Variants in GTF3C1 observed in about 807,000 individuals in gnomAD.
The protein encoded by GTF3C1 is general transcription factor 3C polypeptide 1.
A neutral mutation model predicts 226.7 loss-of-function variants in GTF3C1; 57 were observed. The observed-to-expected ratio is 0.25, with a 90% CI of 0.20 to 0.31. The LOEUF (loss-of-function observed/expected upper bound fraction) is 0.31. GTF3C1 is among the 10% of genes least tolerant of loss of function. The pLI is 1.00. For missense variants in GTF3C1, 2,217 were observed against 2,776.1 expected, an observed-to-expected ratio of 0.80 and a Z score of 4.53; for synonymous variants, 1,090 against 1,084.8, an observed-to-expected ratio of 1.00 and a Z score of -0.09.
chr16:27,473,888 A>T (rs1387018485), intron 29 of GTF3C1, among the ~76,000 whole-genome samples: 1 of 152,220 alleles, frequency 6.6e-6, no homozygotes, highest in Non-Finnish European at 1.5e-5. Context: ...ACTGGAGGGA[A>T]GCTGCATCTC....
rs1352265020 is a variant in GTF3C1 at position 27,545,296 on chromosome 16, A to G, written c.431+18T>C. ...CCGGCCAGATTCCCAGGAATTTCTG[A>G]TGGTGCAAAATAGTTACCTGTCAAA... On this transcript the variant is annotated intron_variant, in intron 2 of 36. Coordinates refer to ENST00000356183, the MANE Select transcript of GTF3C1 (RefSeq NM_001520.4). The G allele has an allele frequency of 6.3e-7, 1 of 1,580,300 alleles. No homozygotes were observed. Among genetic ancestry groups the G allele is most frequent in the Admixed American group, 1.7e-5 (1 of 59,982 alleles).
At chr16:27,485,143 G>A (rs530509982) in intron 24 of GTF3C1, among the ~76,000 whole-genome samples, 1 of 152,270 alleles carries the variant, frequency 6.6e-6, no homozygotes, top group Non-Finnish European at 1.5e-5. Flanking sequence ...TGAGGGATGA[G>A]AGAACAGGGG....
Position 27,511,719 on chromosome 16 carries a change from T to C in GTF3C1, c.1126+30A>G, listed in dbSNP as rs373336828. ...TCTTGACTCAAATTCTCGGGATCCA[T>C]ATCCAAGCTGGCATGGGAACAAGAC... On this transcript the variant is annotated intron_variant, in intron 7 of 36. Transcript: ENST00000356183. 9.9e-6 allele frequency: 16 copies of C among 1,610,036 alleles called. No homozygotes were observed. The African/African-American group carries it at 1.9e-4, about 19-fold the overall frequency.
intron 2 of GTF3C1, among the ~76,000 whole-genome samples, chr16:27,540,638 T>G (rs577405890): frequency 1.3e-5 from 2 of 152,230 alleles, no homozygotes; most frequent in South Asian, 4.2e-4. Context: ...TAAAAATAGT[T>G]TCTACCTTCA....
chr16:27,497,213 C>T (rs1249099833), intron 14 of GTF3C1, among the ~76,000 whole-genome samples: 1 of 152,180 alleles, frequency 6.6e-6, no homozygotes, highest in Non-Finnish European at 1.5e-5. Context: ...GATGAGGGAA[C>T]CCATCAGTGC....
chr16:27,509,260 C>T (rs545357647), intron 7 of GTF3C1, among the ~76,000 whole-genome samples: 9 of 152,120 alleles, frequency 5.9e-5, no homozygotes, highest in Non-Finnish European at 1.0e-4. Context: ...CTTGTCTACT[C>T]CTGGGCTGTC....
At chr16:27,464,096 T>TCA (rs2087745447) in intron 34 of GTF3C1, 1 of 447,444 alleles carries the variant, frequency 2.2e-6, no homozygotes, top group Non-Finnish European at 3.9e-6. Context: ...GCTCTGGAAC[T>TCA]CACAGTGCTG....
intron 29 of GTF3C1, among the ~76,000 whole-genome samples, chr16:27,475,005 T>G (rs549319544): frequency 2.6e-5 from 4 of 152,346 alleles, no homozygotes; most frequent in South Asian, 4.1e-4. Context: ...CGTTAAAGAC[T>G]AGGGCCAGGG....
At chr16:27,502,499 A>G (rs1220524591) in intron 11 of GTF3C1, among the ~76,000 whole-genome samples, 8 of 152,170 alleles carry the variant, frequency 5.3e-5, no homozygotes, top group Admixed American at 5.2e-4. Context: ...GTCTGGAAGT[A>G]ATGCTACTAC....
intron 16 of GTF3C1, among the ~76,000 whole-genome samples, chr16:27,493,514 G>A (rs1239066124): frequency 2.0e-5 from 3 of 152,152 alleles, no homozygotes; most frequent in African/African-American, 7.2e-5. Flanking sequence ...CAATAAACAG[G>A]TGCCCTCATA....
rs1382194042 is a variant in GTF3C1, at chr16:27,492,259, C to T, written c.3151+79G>A. On this transcript the variant is annotated intron_variant, in intron 19 of 36. Transcript: ENST00000356183. The surrounding 1 kb of genome is among the most constrained non-coding windows in gnomAD (Gnocchi z 5.0). ...ACCACTGGTTGAGGCAACTCCTAGG[C>T]TTTTCTAGCCCTAAATCCCAGTTAG... is the stretch of plus-strand genomic sequence containing the variant. The T allele has an allele frequency of 6.9e-6, 6 of 865,186 alleles. No homozygotes were observed. Among genetic ancestry groups the T allele is most frequent in the Non-Finnish European group, 9.3e-6 (5 of 536,496 alleles). 53.6% of individuals were successfully genotyped at this position (865,186 alleles called of 1,614,324 possible).
chr16:27,482,205 CA>C (rs1374893100), intron 26 of GTF3C1, among the ~76,000 whole-genome samples: 1 of 152,164 alleles, frequency 6.6e-6, no homozygotes, highest in East Asian at 1.9e-4. Context: ...CATTTGCAAC[CA>C]GGGGGTGACT....
chr16:27,487,979 G>C (rs573580711), intron 23 of GTF3C1, among the ~76,000 whole-genome samples: 22 of 152,104 alleles, frequency 1.4e-4, no homozygotes, highest in Non-Finnish European at 2.5e-4. Context: ...AGTTCCTAAA[G>C]TCAGAAGCTC....
chr16:27,545,931 C>T (rs1240787701), intron 1 of GTF3C1, among the ~76,000 whole-genome samples: 1 of 152,192 alleles, frequency 6.6e-6, no homozygotes, highest in African/African-American at 2.4e-5. Context: ...TCACTGCAAC[C>T]TCCACTTCCC....
intron 5 of GTF3C1, among the ~76,000 whole-genome samples, chr16:27,531,637 C>T (rs1160311549): frequency 6.6e-6 from 1 of 152,210 alleles, no homozygotes; most frequent in Non-Finnish European, 1.5e-5. Context: ...AGTATCTGTT[C>T]AATGAATAAG....
At position 27,549,710 on chromosome 16, in the gene GTF3C1, C is replaced by G. The variant is rs762379161; in HGVS notation, c.181G>C (p.Glu61Gln). Residue 61 changes from glutamate to glutamine, a missense_variant, in exon 1 of 37, where the codon GAG becomes CAG. Coordinates refer to ENST00000356183, the MANE Select transcript of GTF3C1 (RefSeq NM_001520.4). ...LATHPGISFY[E>Q]EPRERPDLQL... ...AGGTCGGGTCGCTCCCGAGGCTCCT[C>G]ATAGAAGCTGATGCCCGGGTGCGTG... 6 of 1,607,920 alleles carry G rather than the reference C, an allele frequency of 3.7e-6. No homozygotes were observed. The highest frequency in any genetic ancestry group is 1.7e-5 in the Admixed American group (1 of 59,326).
rs1060499746 is a variant in GTF3C1 at position 27,481,179 on chromosome 16, C to T, written c.4096G>A (p.Glu1366Lys). Residue 1366 changes from glutamate (E) to lysine (K), a missense_variant, in exon 27 of 37, where the codon GAG becomes AAG. Glu to Lys is a moderately conservative substitution (Grantham distance 56). Coordinates refer to ENST00000356183, the MANE Select transcript of GTF3C1 (RefSeq NM_001520.4). ...AGCTTCTCCACAAATTCTTTAAACT[C>T]GTTGGCACAAACCTTTCAACATGAG... Reference protein sequence around the residue: ...DYDDPKVCANEFKEFVEKLKE... With the variant: ...DYDDPKVCANKFKEFVEKLKE... 5.0e-6 allele frequency: 8 copies of T among 1,614,130 alleles called. No individual in the cohort carries two copies. The highest frequency in any genetic ancestry group is 5.9e-6 in the Non-Finnish European group (7 of 1,179,958).
rs2088202139 is a variant in GTF3C1 at position 27,489,626 on chromosome 16, T to C, written c.3269A>G (p.Lys1090Arg). Residue 1090 changes from lysine (K) to arginine (R), a missense_variant, in exon 20 of 37, where the codon AAG (lysine) becomes AGG (arginine). Transcript: ENST00000356183. ...SAMDKHNLER[K>R]CAMLEYTTGS... is the part of the protein sequence containing the mutation. ...CGTGGTGTACTCCAGCATGGCGCAC[T>C]TGCGCTCCAGGTTGTGCTTGTCCAT... 1.2e-6 allele frequency: 2 copies of C among 1,610,524 alleles called. No individual in the cohort carries two copies. Among genetic ancestry groups the C allele is most frequent in the African/African-American group, 2.7e-5 (2 of 74,952 alleles).
chr16:27,502,805 A>G, intron 11 of GTF3C1, 54 bp downstream of exon 11: 1 of 1,540,228 alleles, frequency 6.5e-7, no homozygotes, highest in Non-Finnish European at 8.8e-7. Flanking sequence ...ACCAACTGGT[A>G]GGAGGATTAC....
Sources: gnomAD v4.1 joint callset for allele counts (sites outside exome capture counted in the v4.1 genomes callset) on GRCh38, gnomAD v4.1.1 for gene constraint, Gnocchi (gnomAD v3.1) non-coding constraint, MANE v1.5 for transcripts, NCBI Gene and HGNC (gene_info 2026-07-23, HGNC 2026-07-21) for gene names.